RBFOX1: variants seen among roughly 807,000 people sequenced by gnomAD.
RBFOX1 encodes RNA binding fox-1 homolog 1.
A neutral mutation model predicts 57.7 loss-of-function variants in RBFOX1; 8 were observed. The observed-to-expected ratio is 0.14, with a 90% CI of 0.08 to 0.25. The LOEUF (loss-of-function observed/expected upper bound fraction) is 0.25, where lower values mean the gene tolerates loss of function less well. Ranked by LOEUF, RBFOX1 falls within the 10% of genes least tolerant of loss-of-function variation. The pLI, the probability that RBFOX1 is intolerant of heterozygous loss-of-function variation, is 1.00. For synonymous variants in RBFOX1, 326 were observed against 222.4 expected (o/e 1.47, Z -4.15); for missense variants, 611 against 548.5 (o/e 1.11, Z -1.14).
At chr16:7,658,153 G>A (rs1226191854) in intron 12 of RBFOX1, among the ~76,000 whole-genome samples, 1 of 152,126 alleles carries the variant, frequency 6.6e-6, no homozygotes, top group East Asian at 1.9e-4. Context: ...TCTCCAGGTT[G>A]ATGAACTTAG....
intron 4 of RBFOX1, among the ~76,000 whole-genome samples, chr16:7,295,111 A>ATGTTGTGT (rs2095864687): frequency 6.6e-6 from 1 of 152,194 alleles, no homozygotes; most frequent in African/African-American, 2.4e-5. Flanking sequence ...ATGTTGTGTG[A>ATGTTGTGT]GATACAGTTG....
intron 5 of RBFOX1, among the ~76,000 whole-genome samples, chr16:7,541,504 A>G (rs1401666323): frequency 6.6e-6 from 1 of 151,832 alleles, no homozygotes; most frequent in Non-Finnish European, 1.5e-5. Flanking sequence ...GAGTGAATTC[A>G]GTGTTCACTG....
chr16:7,661,385 GC>G (rs1195390137), intron 12 of RBFOX1, among the ~76,000 whole-genome samples: 2 of 152,092 alleles, frequency 1.3e-5, no homozygotes, highest in Non-Finnish European at 2.9e-5. Flanking sequence ...AGAAGCCAGA[GC>G]GTGGGTCTTC....
At chr16:5,454,513 C>G (rs1203726235) in intron 1 of RBFOX1, among the ~76,000 whole-genome samples, 5 of 152,236 alleles carry the variant, frequency 3.3e-5, no homozygotes, top group African/African-American at 4.8e-5. Context: ...GTAAATTGCC[C>G]TCTACAATGT....
intron 4 of RBFOX1, among the ~76,000 whole-genome samples, chr16:7,218,545 GA>G (rs2092440533): frequency 6.6e-6 from 1 of 151,980 alleles, no homozygotes; most frequent in African/African-American, 2.4e-5. Flanking sequence ...CACAGTAATT[GA>G]GCTGAGAAAG....
intron 2 of RBFOX1, among the ~76,000 whole-genome samples, chr16:5,516,066 A>G (rs1426426068): frequency 6.6e-6 from 1 of 152,192 alleles, no homozygotes; most frequent in Non-Finnish European, 1.5e-5. Context: ...AGTACAGTGA[A>G]TATTCCCGCT....
chr16:6,086,598 C>G (rs932700478), intron 1 of RBFOX1, among the ~76,000 whole-genome samples: 2 of 152,162 alleles, frequency 1.3e-5, no homozygotes, highest in African/African-American at 2.4e-5. Flanking sequence ...ATACTGCTGA[C>G]TGGGCTGGGG....
chr16:5,748,695 C>T (rs1474428902), intron 3 of RBFOX1, among the ~76,000 whole-genome samples: 2 of 152,066 alleles, frequency 1.3e-5, no homozygotes, highest in Non-Finnish European at 2.9e-5. Context: ...GACCGCAACC[C>T]CTGCCTTTTT....
At chr16:7,162,368 C>A (rs1247936516) in intron 4 of RBFOX1, among the ~76,000 whole-genome samples, 3 of 151,958 alleles carry the variant, frequency 2.0e-5, no homozygotes, top group African/African-American at 7.3e-5. Context: ...TTTAATATCA[C>A]AGTAATTCTA....
intron 2 of RBFOX1, among the ~76,000 whole-genome samples, chr16:6,507,244 T>C (rs1050290781): frequency 6.6e-6 from 1 of 152,068 alleles, no homozygotes; most frequent in Non-Finnish European, 1.5e-5. Flanking sequence ...CAAAATTACT[T>C]AAAACATAAA....
intron 2 of RBFOX1, among the ~76,000 whole-genome samples, chr16:6,610,919 A>G (rs775666046): frequency 5.9e-5 from 9 of 152,216 alleles, no homozygotes; most frequent in African/African-American, 1.4e-4. Flanking sequence ...ATCTTAATAT[A>G]TAGTAGACCA....
intron 2 of RBFOX1, among the ~76,000 whole-genome samples, chr16:6,346,564 C>G (rs551748619): frequency 6.6e-6 from 1 of 152,202 alleles, no homozygotes; most frequent in African/African-American, 2.4e-5. Context: ...TCCATAAAGG[C>G]TGACTGCCTG....
chr16:6,471,759 A>G (rs895628583), intron 2 of RBFOX1, among the ~76,000 whole-genome samples: 2 of 152,056 alleles, frequency 1.3e-5, no homozygotes, highest in African/African-American at 4.8e-5. Flanking sequence ...AGGCAAAGGG[A>G]TCTGGAGACT....
intron 1 of RBFOX1, among the ~76,000 whole-genome samples, chr16:5,437,089 T>G (rs544241148): frequency 3.0e-4 from 46 of 152,304 alleles, no homozygotes; most frequent in South Asian, 8.3e-4. Flanking sequence ...AACTTTTGGC[T>G]ATATTGCATG....
intron 4 of RBFOX1, among the ~76,000 whole-genome samples, chr16:5,895,330 C>T (rs1427601543): frequency 6.6e-6 from 1 of 152,212 alleles, no homozygotes; most frequent in African/African-American, 2.4e-5. Context: ...AAATGGATGA[C>T]TCACATGCCC....
chr16:6,040,392 C>T (rs2095423113), intron 1 of RBFOX1, among the ~76,000 whole-genome samples: 1 of 152,194 alleles, frequency 6.6e-6, no homozygotes. Context: ...TGGCAACCAA[C>T]ATTCTACTTT....
intron 3 of RBFOX1, among the ~76,000 whole-genome samples, chr16:6,932,641 A>T (rs1448518393): frequency 6.6e-6 from 1 of 152,194 alleles, no homozygotes; most frequent in African/African-American, 2.4e-5. Context: ...AGCCCCAGGC[A>T]TCTTTCATGG....
rs557377955 is a variant in RBFOX1 at position 5,902,073 on chromosome 16, A to C, written c.351+34738A>C. Among the ~76,000 whole-genome samples, 40 of 152,334 alleles carry C rather than the reference A, an allele frequency of 2.6e-4. No homozygotes were observed. The South Asian group carries it at 8.1e-3, about 31-fold the overall frequency. ...GGGTTCAATGCATGTTTCTTGAATG[A>C]ATTAATCATATTCCCTCTTTTGAAC... On this transcript the variant is annotated intron_variant, in intron 4 of 19. Coordinates refer to the RBFOX1 transcript ENST00000641259.
chr16:5,641,382 A>G (rs1268346778), intron 3 of RBFOX1, among the ~76,000 whole-genome samples: 2 of 152,244 alleles, frequency 1.3e-5, no homozygotes, highest in Non-Finnish European at 2.9e-5. Flanking sequence ...ACAAGTAGAT[A>G]CCTGCTGCAG....
Sources: gnomAD v4.1 joint callset for allele counts (sites outside exome capture counted in the v4.1 genomes callset) on GRCh38, gnomAD v4.1.1 for gene constraint, MANE v1.5 for transcripts, NCBI Gene and HGNC (gene_info 2026-07-23, HGNC 2026-07-21) for gene names.